LRRC72: variants seen among roughly 807,000 people sequenced by gnomAD.
LRRC72 encodes leucine-rich repeat-containing protein 72.
LRRC72 carries 41 observed loss-of-function variants against 35.8 expected under a neutral mutation model. That is an observed-to-expected ratio of 1.15 (90% CI 0.89 to 1.49). The LOEUF is 1.49. Ranked by LOEUF, LRRC72 falls within the 40% of genes most tolerant of loss-of-function variation. The pLI is 0.00. For synonymous variants in LRRC72, 118 were observed against 119.2 expected (o/e 0.99, Z 0.07); for missense variants, 389 against 330.7 (o/e 1.18, Z -1.37).
At chr7:16,571,134 AG>A (rs1782936694) in intron 7 of LRRC72, among the ~76,000 whole-genome samples, 1 of 152,180 alleles carries the variant, frequency 6.6e-6, no homozygotes, top group Non-Finnish European at 1.5e-5. Flanking sequence ...GACATGTTGT[AG>A]GTGCAGAGGA....
At chr7:16,558,607 T>G (rs939777774) in intron 4 of LRRC72, among the ~76,000 whole-genome samples, 4 of 151,726 alleles carry the variant, frequency 2.6e-5, no homozygotes, top group African/African-American at 9.7e-5. Flanking sequence ...TGAAACTCCA[T>G]CTCAAAAAAT....
intron 7 of LRRC72, among the ~76,000 whole-genome samples, chr7:16,569,661 A>G (rs1452458086): frequency 2.0e-5 from 3 of 152,148 alleles, no homozygotes; most frequent in South Asian, 4.1e-4. Flanking sequence ...AAAAAGAATT[A>G]TAACCCAGGA....
intron 7 of LRRC72, among the ~76,000 whole-genome samples, chr7:16,575,269 G>C (rs758232844): frequency 8.5e-5 from 13 of 152,170 alleles, no homozygotes; most frequent in Non-Finnish European, 1.3e-4. Context: ...ATATTTTACA[G>C]AGTTTGACCC....
chr7:16,554,961 T>C (rs970973911), intron 3 of LRRC72, among the ~76,000 whole-genome samples: 5 of 152,218 alleles, frequency 3.3e-5, no homozygotes, highest in Non-Finnish European at 7.3e-5. Flanking sequence ...ATTGTTTTCC[T>C]ACGCTGATGT....
chr7:16,576,199 A>G (rs1783036898), intron 7 of LRRC72, among the ~76,000 whole-genome samples: 3 of 152,340 alleles, frequency 2.0e-5, no homozygotes, highest in Admixed American at 6.5e-5. Context: ...TTATTTTAGC[A>G]TATCTTAATT....
At chr7:16,581,284 T>C (rs1463919145) in intron 8 of LRRC72, 40 bp from the exon 9 acceptor site, 6 of 1,410,798 alleles carry the variant, frequency 4.3e-6, no homozygotes, top group Non-Finnish European at 5.6e-6. Flanking sequence ...TTTTCATTTT[T>C]GATTGCTTTT....
chr7:16,569,210 C>T (rs994926093), intron 7 of LRRC72, among the ~76,000 whole-genome samples: 2 of 151,380 alleles, frequency 1.3e-5, no homozygotes, highest in African/African-American at 2.4e-5. Context: ...GGCAGATCAC[C>T]TGAGGTCGGG....
chr7:16,565,008 A>T (rs1293187680), intron 5 of LRRC72, among the ~76,000 whole-genome samples: 2 of 152,218 alleles, frequency 1.3e-5, no homozygotes, highest in Non-Finnish European at 2.9e-5. Context: ...ATGTACATTA[A>T]GTGAGCTTCA....
chr7:16,559,977 C>T (rs953054991), intron 5 of LRRC72, among the ~76,000 whole-genome samples: 1 of 151,488 alleles, frequency 6.6e-6, no homozygotes, highest in Admixed American at 6.6e-5. Context: ...AAGGAACTAA[C>T]CTATTGGAAA....
intron 5 of LRRC72, 132 bp downstream of exon 5, chr7:16,559,131 C>A: frequency 1.9e-6 from 1 of 521,798 alleles, no homozygotes; most frequent in Non-Finnish European, 3.4e-6. Context: ...CTGTGACTCA[C>A]GCCTGTAATC....
chr7:16,526,863 C>G lies in LRRC72; in HGVS notation c.-90C>G. 3 of 1,001,092 alleles carry G rather than the reference C, an allele frequency of 3.0e-6. No individual in the cohort carries two copies. Among genetic ancestry groups the G allele is most frequent in the Non-Finnish European group, 4.5e-6 (3 of 660,704 alleles). The allele number at this position is 1,001,092 out of a possible 1,614,324, so 62.0% of individuals were successfully genotyped here. ...GCGGTAACTGTTGGTAACAGAACAACGAGCTGTGCACCAAGCCAAGTCTCT... is the reference window on the plus strand; with the variant it reads ...GCGGTAACTGTTGGTAACAGAACAAGGAGCTGTGCACCAAGCCAAGTCTCT... On this transcript the variant is annotated 5_prime_UTR_variant, in exon 1 of 9. Coordinates refer to ENST00000401542, the MANE Select transcript of LRRC72 (RefSeq NM_001195280.2).
chr7:16,534,642 CA>C (rs957486707), intron 2 of LRRC72, among the ~76,000 whole-genome samples: 15 of 150,984 alleles, frequency 9.9e-5, no homozygotes, highest in African/African-American at 3.7e-4. Context: ...GACTCAGTCT[CA>C]AAAAATAAAA....
rs369081871 is a variant in LRRC72 at position 16,534,165 on chromosome 7, G to A, written c.164+1597G>A. Among the ~76,000 whole-genome samples the A allele has an allele frequency of 3.3e-5, 5 of 152,246 alleles. No homozygotes were observed. In the East Asian group the frequency reaches 9.6e-4, roughly 29 times the overall value. ...TATTTACCAAGTTTCTCTTGACTCT[G>A]GGAAATGGAAAGCATCTTATCGATG... On this transcript the variant is annotated intron_variant, in intron 2 of 8. Transcript: ENST00000401542.
intron 3 of LRRC72, among the ~76,000 whole-genome samples, chr7:16,550,606 C>T (rs1782532886): frequency 6.6e-6 from 1 of 152,230 alleles, no homozygotes; most frequent in Non-Finnish European, 1.5e-5. Flanking sequence ...GTTGCAACAA[C>T]TTTCAATTCT....
intron 3 of LRRC72, among the ~76,000 whole-genome samples, chr7:16,550,603 C>G (rs1197749292): frequency 1.3e-5 from 2 of 152,336 alleles, no homozygotes; most frequent in Admixed American, 6.5e-5. Context: ...CCAGTTGCAA[C>G]AACTTTCAAT....
At chr7:16,567,870 CAT>C (rs1349549313) in intron 7 of LRRC72, among the ~76,000 whole-genome samples, 1 of 151,960 alleles carries the variant, frequency 6.6e-6, no homozygotes, top group Non-Finnish European at 1.5e-5. Flanking sequence ...TTACCACTAA[CAT>C]GGATGATTTT....
At chr7:16,575,056 A>C (rs1225931685) in intron 7 of LRRC72, among the ~76,000 whole-genome samples, 1 of 147,046 alleles carries the variant, frequency 6.8e-6, no homozygotes, top group Non-Finnish European at 1.5e-5. Flanking sequence ...TGGAGGTTGC[A>C]GTGAGGTGAG....
At chr7:16,532,022 C>T (rs914282533) in intron 1 of LRRC72, among the ~76,000 whole-genome samples, 2 of 152,064 alleles carry the variant, frequency 1.3e-5, no homozygotes, top group Admixed American at 6.6e-5. Context: ...TACTGGGTGC[C>T]AAGCATAATG....
At chr7:16,532,992 C>T (rs1350315666) in intron 2 of LRRC72, among the ~76,000 whole-genome samples, 1 of 152,124 alleles carries the variant, frequency 6.6e-6, no homozygotes, top group Middle Eastern at 3.4e-3. Context: ...AAATGTAGCC[C>T]GATATCCTGT....
Sources: allele counts gnomAD v4.1 joint callset (sites outside exome capture counted in the v4.1 genomes callset), GRCh38; gene constraint gnomAD v4.1.1; transcripts MANE v1.5; gene names NCBI Gene and HGNC (gene_info 2026-07-23, HGNC 2026-07-21).